Variants in CWF19L2 observed in about 807,000 individuals in gnomAD.
CWF19L2 encodes CWF19-like protein 2.
Under a neutral mutation model 111.7 loss-of-function variants are expected in CWF19L2, and 98 were observed. That is an observed-to-expected ratio of 0.88 (90% CI 0.75 to 1.04). CWF19L2 has a LOEUF of 1.04. Ranked by LOEUF, CWF19L2 falls within the 50% of genes least tolerant of loss-of-function variation. The probability of loss-of-function intolerance (pLI) is 0.00; values close to 1 mark genes in which losing one functional copy is unlikely to be tolerated. For synonymous variants in CWF19L2, 351 were observed against 342.9 expected (o/e 1.02, Z -0.26); for missense variants, 1,101 against 1,051.4 (o/e 1.05, Z -0.65).
Position 107,416,296 on chromosome 11 carries a change from T to G in CWF19L2, c.1530A>C (p.Glu510Asp). ...GTTGAACTTTAAGTTGTTCAGCTAA[T>G]TCCTTCAAAAAGAAAAACAAGTAAA... ...IIKAEMMGNMELAEQLKVQLE... is the reference protein window; with the variant it reads ...IIKAEMMGNMDLAEQLKVQLE... Residue 510 changes from glutamate (E) to aspartate (D), a missense_variant and splice_region_variant, in exon 10 of 18, where the codon GAA becomes GAC. By Grantham distance (45) the Glu-to-Asp change is conservative. Transcript: ENST00000282251. 7.1e-7 allele frequency: 1 copy of G among 1,405,740 alleles called. No homozygotes were observed. Among genetic ancestry groups the G allele is most frequent in the Non-Finnish European group, 9.6e-7 (1 of 1,045,824 alleles). The allele number at this position is 1,405,740 out of a possible 1,614,324, so 87.1% of individuals were successfully genotyped here. A position where few individuals can be genotyped will look rare whatever the true frequency, so the allele number is the denominator to read the frequency against.
Position 107,454,557 on chromosome 11 carries a change from T to C in CWF19L2, c.232A>G (p.Lys78Glu). 1 of 1,455,728 alleles carries C rather than the reference T, an allele frequency of 6.9e-7. No individual in the cohort carries two copies. The highest frequency in any genetic ancestry group is 1.5e-5 in the South Asian group (1 of 67,408). 90.2% of individuals were successfully genotyped at this position (1,455,728 alleles called of 1,614,324 possible). A position where few individuals can be genotyped will look rare whatever the true frequency, so the allele number is the denominator to read the frequency against. Residue 78 changes from lysine to glutamate, a missense_variant, in exon 3 of 18, where the codon AAA becomes GAA. Physicochemically the swap from Lys to Glu is moderately conservative, Grantham distance 56 (BLOSUM62 1). Transcript: ENST00000282251. ...EQFSQEHSVK[K>E]KKKKDKHSKK... ...GAATGCTTGTCTTTTTTCTTCTTTT[T>C]CTTCACAGAGTGTTCCTACAATCAT...
chr11:107,453,660 G>C (rs773642204), intron 3 of CWF19L2, among the ~76,000 whole-genome samples: 81 of 151,494 alleles, frequency 5.3e-4, no homozygotes, highest in South Asian at 1.0e-3. Context: ...AAAGTAAAGG[G>C]GGCTCTGTCT....
At chr11:107,443,238 T>C (rs574556456) in intron 3 of CWF19L2, among the ~76,000 whole-genome samples, 189 bp from the exon 4 acceptor site, 1 of 152,272 alleles carries the variant, frequency 6.6e-6, no homozygotes, top group African/African-American at 2.4e-5. Flanking sequence ...CTCAGCACTT[T>C]GGGAGGCTGA....
At chr11:107,391,009 G>A (rs1860838800) in intron 11 of CWF19L2, among the ~76,000 whole-genome samples, 1 of 152,094 alleles carries the variant, frequency 6.6e-6, no homozygotes, top group Non-Finnish European at 1.5e-5. Context: ...TCAAACATCA[G>A]ACTCCAAGTT....
chr11:107,408,208 A>G (rs1445531204), intron 10 of CWF19L2, among the ~76,000 whole-genome samples: 3 of 151,908 alleles, frequency 2.0e-5, no homozygotes, highest in African/African-American at 7.2e-5. Context: ...AATTAATCTT[A>G]TTTGTATGTT....
intron 3 of CWF19L2, among the ~76,000 whole-genome samples, chr11:107,446,033 C>A (rs191218691): frequency 6.6e-6 from 1 of 152,294 alleles, no homozygotes; most frequent in Non-Finnish European, 1.5e-5. Flanking sequence ...AAAAGCAAGA[C>A]AATAGAAGCC....
chr11:107,400,041 AT>A (rs1311384008), intron 10 of CWF19L2, among the ~76,000 whole-genome samples: 1 of 152,172 alleles, frequency 6.6e-6, no homozygotes, highest in Non-Finnish European at 1.5e-5. Context: ...GACACAACCT[AT>A]CAAAACCTCT....
chr11:107,429,359 T>C lies in CWF19L2; in HGVS notation c.873A>G (p.Thr291=). ...DYRRERWRKP[T]YSDKAQNCQE... ...GACAATTTTGTGCTTTATCTGAATA[T>C]GTGGGTTTCCTCCACCGTTCCCGTC... The change falls in exon 8 of 18, where the codon ACA becomes ACG. Residue 291 remains threonine (T), a synonymous_variant. Coordinates refer to ENST00000282251, the MANE Select transcript of CWF19L2 (RefSeq NM_152434.3). 1 of 1,601,152 alleles carries C rather than the reference T, an allele frequency of 6.2e-7. No homozygotes were observed. The highest frequency in any genetic ancestry group is 8.5e-7 in the Non-Finnish European group (1 of 1,172,204).
rs1860558268 is a variant in CWF19L2 at position 107,374,084 on chromosome 11, GA to G, written c.1872+15989del. Among the ~76,000 whole-genome samples the G allele has an allele frequency of 2.2e-5, 3 of 136,610 alleles. 1 individual carries two copies. Among genetic ancestry groups the G allele is most frequent in the African/African-American group, 5.9e-5 (2 of 33,670 alleles). The allele number at this position is 136,610 out of a possible 152,430, so 89.6% of individuals were successfully genotyped here. ...AAGTTTAGAGAAAAAAGAATAAAAA[GA>G]AATGAGCAAAGCCTCCAAGAAATAT... On this transcript the variant is annotated intron_variant, in intron 12 of 17. Coordinates refer to ENST00000282251, the MANE Select transcript of CWF19L2 (RefSeq NM_152434.3).
At chr11:107,351,888 T>C (rs1056637403) in intron 13 of CWF19L2, among the ~76,000 whole-genome samples, 5 of 152,210 alleles carry the variant, frequency 3.3e-5, no homozygotes, top group Non-Finnish European at 7.3e-5. Flanking sequence ...TACTGGAAGA[T>C]AACAGACCAT....
chr11:107,336,596 G>A lies in CWF19L2; in HGVS notation c.2320C>T (p.Pro774Ser), dbSNP rs1263485519. Residue 774 changes from proline (P) to serine (S), a missense_variant, in exon 15 of 18, where the codon CCC becomes TCC. By Grantham distance (74) the Pro-to-Ser change is moderately conservative. Transcript: ENST00000282251. ...YHMVYECIPL[P>S]KEVGDMAPIY... ...GGAGCCATGTCACCCACTTCCTTGG[G>A]AAGAGGAATACATTCATAAACCATG... The A allele has an allele frequency of 6.2e-7, 1 of 1,603,912 alleles. No individual in the cohort carries two copies. Among genetic ancestry groups the A allele is most frequent in the Non-Finnish European group, 8.5e-7 (1 of 1,176,680 alleles).
rs564621945 is a variant in CWF19L2 at position 107,349,056 on chromosome 11, A to G, written c.2086-3T>C. 33 of 1,464,086 alleles carry G rather than the reference A, an allele frequency of 2.3e-5. No individual in the cohort carries two copies. The highest frequency in any genetic ancestry group is 1.8e-4 in the South Asian group (15 of 83,100). 90.7% of individuals were successfully genotyped at this position (1,464,086 alleles called of 1,614,324 possible). On this transcript the variant is annotated splice_polypyrimidine_tract_variant and splice_region_variant and intron_variant, in intron 13 of 17. Transcript: ENST00000282251. ...ACGTTGGGTAAACATAAATAAACCT[A>G]TAAGAGAGAAATACAAAAGGTGAAA...
At chr11:107,341,103 AC>A (rs1167526209) in intron 14 of CWF19L2, among the ~76,000 whole-genome samples, 1 of 152,182 alleles carries the variant, frequency 6.6e-6, no homozygotes, top group Non-Finnish European at 1.5e-5. Flanking sequence ...CTCAATGTAA[AC>A]AAGTGTGCTT....
At chr11:107,375,569 C>A (rs1290150914) in intron 12 of CWF19L2, among the ~76,000 whole-genome samples, 3 of 136,162 alleles carry the variant, frequency 2.2e-5, no homozygotes, top group Non-Finnish European at 4.8e-5. Flanking sequence ...TTCTTCGAAA[C>A]CAACAAGAAC....
intron 10 of CWF19L2, among the ~76,000 whole-genome samples, chr11:107,412,513 G>C (rs1861171617): frequency 6.6e-6 from 1 of 152,094 alleles, no homozygotes; most frequent in African/African-American, 2.4e-5. Context: ...GCTAATTTTT[G>C]TATTTTTAGT....
At chr11:107,334,800 C>A in intron 16 of CWF19L2, 81 bp downstream of exon 16, 1 of 888,640 alleles carries the variant, frequency 1.1e-6, no homozygotes, top group Non-Finnish European at 1.8e-6. Context: ...CCAAATGGTC[C>A]CTTTGTCAAC....
chr11:107,428,355 A>G (rs1014030571), intron 8 of CWF19L2, among the ~76,000 whole-genome samples: 1 of 152,086 alleles, frequency 6.6e-6, no homozygotes, highest in Non-Finnish European at 1.5e-5. Flanking sequence ...TGTATTTGTC[A>G]CTTTATATTT....
In CWF19L2 at chr11:107,353,663, C is replaced by T. The variant is rs774777965; in HGVS notation, c.1946G>A (p.Arg649His). Residue 649 changes from arginine to histidine, a missense_variant, in exon 13 of 18, where the codon CGT becomes CAT. Coordinates refer to ENST00000282251, the MANE Select transcript of CWF19L2 (RefSeq NM_152434.3). ...TTGGTTCTCTTCCTCTTCACCAAGA[C>T]GTTCTCTCTCAGCTGCTTTGGAGAC... ...MFVSKAAERE[R>H]LGEEEENQRK... The T allele has an allele frequency of 5.6e-6, 9 of 1,613,628 alleles. No homozygotes were observed. The highest frequency in any genetic ancestry group is 4.5e-5 in the East Asian group (2 of 44,866).
chr11:107,440,898 T>C (rs577808307), intron 5 of CWF19L2, among the ~76,000 whole-genome samples: 4 of 152,216 alleles, frequency 2.6e-5, no homozygotes, highest in African/African-American at 9.6e-5. Flanking sequence ...TAAAAAAATA[T>C]ATAAAGTTTG....
Sources: allele counts gnomAD v4.1 joint callset (sites outside exome capture counted in the v4.1 genomes callset), GRCh38; gene constraint gnomAD v4.1.1; transcripts MANE v1.5; gene names NCBI Gene and HGNC (gene_info 2026-07-23, HGNC 2026-07-21).